Variants in HEMK2 observed in about 807,000 individuals in gnomAD.
HEMK2 encodes methyltransferase HEMK2.
chr21:28,575,962 C>G, the HEMK2 span, among the ~76,000 whole-genome samples: 1 of 152,200 alleles, frequency 6.6e-6, no homozygotes, highest in South Asian at 2.1e-4. Context: ...TTTGTATGAT[C>G]ACACCACACA....
the HEMK2 span, among the ~76,000 whole-genome samples, chr21:28,792,389 C>T: frequency 1.3e-5 from 2 of 152,242 alleles, no homozygotes; most frequent in Non-Finnish European, 2.9e-5. Context: ...AGATCCGATA[C>T]CCCTCTCTTG....
the HEMK2 span, among the ~76,000 whole-genome samples, chr21:28,850,382 G>A: frequency 3.3e-5 from 5 of 151,820 alleles, no homozygotes; most frequent in East Asian, 1.9e-4. Context: ...CCGCCACCAC[G>A]CCCGGCTAAT....
At chr21:28,801,589 A>G in the HEMK2 span, among the ~76,000 whole-genome samples, 1 of 152,150 alleles carries the variant, frequency 6.6e-6, no homozygotes, top group Non-Finnish European at 1.5e-5. Flanking sequence ...TTTGAAATTT[A>G]TATCACAAAA....
the HEMK2 span, among the ~76,000 whole-genome samples, chr21:28,727,419 T>C: frequency 1.3e-5 from 2 of 152,174 alleles, no homozygotes. Context: ...CAGGAGAAGT[T>C]AGTAAAACCT....
the HEMK2 span, among the ~76,000 whole-genome samples, chr21:28,699,232 A>C: frequency 3.9e-5 from 6 of 152,182 alleles, no homozygotes; most frequent in Admixed American, 1.3e-4. Context: ...TACTATTGCA[A>C]AGTATCTTAG....
At chr21:28,711,231 G>T in the HEMK2 span, among the ~76,000 whole-genome samples, 1 of 152,160 alleles carries the variant, frequency 6.6e-6, no homozygotes, top group Non-Finnish European at 1.5e-5. Flanking sequence ...TTTGGAGGAG[G>T]AATGAGACGC....
At chr21:28,692,635 A>C in the HEMK2 span, among the ~76,000 whole-genome samples, 1 of 152,136 alleles carries the variant, frequency 6.6e-6, no homozygotes, top group African/African-American at 2.4e-5. Context: ...AATAGTTTTT[A>C]AATATTAGTA....
the HEMK2 span, among the ~76,000 whole-genome samples, chr21:28,624,086 T>A: frequency 1.3e-5 from 2 of 152,210 alleles, no homozygotes; most frequent in African/African-American, 2.4e-5. Flanking sequence ...AAGAAGTTAT[T>A]GTCTTATCAG....
At chr21:28,590,455 A>T in the HEMK2 span, among the ~76,000 whole-genome samples, 1 of 152,346 alleles carries the variant, frequency 6.6e-6, no homozygotes, top group Non-Finnish European at 1.5e-5. Context: ...TAATATCTTG[A>T]TCATGTGTTG....
chr21:28,803,060 AC>A, the HEMK2 span, among the ~76,000 whole-genome samples: 1 of 152,226 alleles, frequency 6.6e-6, no homozygotes, highest in African/African-American at 2.4e-5. Flanking sequence ...TGGGTCAGGC[AC>A]CTGTGAAGTT....
chr21:28,857,132 T>C, the HEMK2 span, among the ~76,000 whole-genome samples: 2 of 152,194 alleles, frequency 1.3e-5, no homozygotes, highest in Non-Finnish European at 2.9e-5. Context: ...CCCTTTTAAA[T>C]TTGTTTTGAT....
chr21:28,877,986 T>C, the HEMK2 span, among the ~76,000 whole-genome samples: 5 of 152,168 alleles, frequency 3.3e-5, no homozygotes, highest in Non-Finnish European at 5.9e-5. Context: ...GAGAAGATAA[T>C]ACTTTTTAAA....
the HEMK2 span, among the ~76,000 whole-genome samples, chr21:28,648,080 GTTTT>G: frequency 6.6e-6 from 1 of 152,308 alleles, no homozygotes; most frequent in Non-Finnish European, 1.5e-5. Context: ...TCTTAATGGT[GTTTT>G]ATACTTTTGC....
At chr21:28,645,157 C>A in the HEMK2 span, among the ~76,000 whole-genome samples, 3 of 152,154 alleles carry the variant, frequency 2.0e-5, no homozygotes, top group Non-Finnish European at 4.4e-5. Context: ...ATTTTCCTGC[C>A]AGACTCTGTT....
chr21:28,831,591 GA>G, the HEMK2 span, among the ~76,000 whole-genome samples: 11 of 77,096 alleles, frequency 1.4e-4, no homozygotes, highest in East Asian at 5.6e-4. Flanking sequence ...AGGAAAGAAG[GA>G]AAGAAGGAAA....
chr21:28,762,517 A>G, the HEMK2 span, among the ~76,000 whole-genome samples: 1 of 152,102 alleles, frequency 6.6e-6, no homozygotes, highest in African/African-American at 2.4e-5. Context: ...AACTCCAGAG[A>G]GAGTATGTAC....
At chr21:28,636,737 C>T in the HEMK2 span, among the ~76,000 whole-genome samples, 2 of 152,204 alleles carry the variant, frequency 1.3e-5, no homozygotes, top group Non-Finnish European at 2.9e-5. Flanking sequence ...ATGCATCTTG[C>T]TTCCCATTCC....
At chr21:28,580,720 T>C in the HEMK2 span, among the ~76,000 whole-genome samples, 1 of 152,110 alleles carries the variant, frequency 6.6e-6, no homozygotes, top group East Asian at 1.9e-4. Context: ...TCCAACCCAA[T>C]AGTCGACAAT....
At chr21:28,599,002 C>T in the HEMK2 span, among the ~76,000 whole-genome samples, 2,715 of 152,272 alleles carry the variant, frequency 0.018, 108 homozygotes, top group African/African-American at 0.063. Flanking sequence ...TGTTGGAGTA[C>T]AGCACTTCAG....
Sources: allele counts gnomAD v4.1 joint callset (sites outside exome capture counted in the v4.1 genomes callset), GRCh38; gene constraint gnomAD v4.1.1; transcripts MANE v1.5; gene names NCBI Gene and HGNC (gene_info 2026-07-23, HGNC 2026-07-21).